Variants in SRBD1 observed in about 807,000 individuals in gnomAD.
SRBD1 encodes S1 RNA-binding domain-containing protein 1.
Under a neutral mutation model 115.3 loss-of-function variants are expected in SRBD1, and 88 were observed. That is an observed-to-expected ratio of 0.76 (90% CI 0.64 to 0.91). The LOEUF (loss-of-function observed/expected upper bound fraction) is 0.91. Among genes scored for constraint, SRBD1 ranks in the 40% least tolerant of loss-of-function variants. The pLI is 0.00. For synonymous variants in SRBD1, 509 were observed against 407.7 expected (o/e 1.25, Z -2.99); for missense variants, 1,385 against 1,177.4 (o/e 1.18, Z -2.58).
intron 16 of SRBD1, among the ~76,000 whole-genome samples, chr2:45,464,999 G>GTA (rs1184016381): frequency 8.0e-6 from 1 of 124,686 alleles, no homozygotes; most frequent in Non-Finnish European, 1.7e-5. Context: ...GGTTGAGATT[G>GTA]TACACACACA....
At chr2:45,452,397 C>T (rs1171329539) in intron 16 of SRBD1, among the ~76,000 whole-genome samples, 2 of 151,816 alleles carry the variant, frequency 1.3e-5, no homozygotes, top group African/African-American at 4.8e-5. Flanking sequence ...AGCAGTGCCC[C>T]CAAGTAAGCA....
At chr2:45,565,733 C>G (rs893168246) in intron 9 of SRBD1, among the ~76,000 whole-genome samples, 4 of 152,164 alleles carry the variant, frequency 2.6e-5, no homozygotes, top group Non-Finnish European at 4.4e-5. Context: ...ATAAGGGTAT[C>G]TAGAATATAT....
chr2:45,584,082 C>T lies in SRBD1; in HGVS notation c.815+1526G>A, dbSNP rs143441763. ...CCTCAGACTTTCTTAATTACCTTGC[C>T]TTCAACCAAACAGAAAGCTTACTTC... On this transcript the variant is annotated intron_variant, in intron 5 of 20. Coordinates refer to ENST00000263736, the MANE Select transcript of SRBD1 (RefSeq NM_018079.5). 5.6e-3 allele frequency among the ~76,000 whole-genome samples: 857 copies of T among 152,286 alleles called. 2 individuals carry two copies. The highest frequency in any genetic ancestry group is 0.011 in the African/African-American group (458 of 41,548).
chr2:45,437,458 T>A (rs1408009153), intron 16 of SRBD1, among the ~76,000 whole-genome samples: 2 of 149,218 alleles, frequency 1.3e-5, no homozygotes, highest in Non-Finnish European at 3.0e-5. Context: ...GCAAAGGCAA[T>A]ACAATGGAGA....
chr2:45,522,086 C>T (rs886472104), intron 14 of SRBD1, among the ~76,000 whole-genome samples: 1 of 151,890 alleles, frequency 6.6e-6, no homozygotes, highest in Non-Finnish European at 1.5e-5. Flanking sequence ...AGGTGAAAAT[C>T]ACCCAAGTGT....
At chr2:45,474,083 A>G (rs367717024) in intron 16 of SRBD1, among the ~76,000 whole-genome samples, 57 of 152,362 alleles carry the variant, frequency 3.7e-4, no homozygotes, top group Admixed American at 1.4e-3. Context: ...CCTGATAATT[A>G]CATTCTTAAA....
At chr2:45,556,308 C>T (rs1672474285) in intron 10 of SRBD1, among the ~76,000 whole-genome samples, 1 of 151,974 alleles carries the variant, frequency 6.6e-6, no homozygotes, top group African/African-American at 2.4e-5. Flanking sequence ...AAACAAATAT[C>T]TAAACAAATG....
At chr2:45,442,980 A>T (rs188142514) in intron 16 of SRBD1, among the ~76,000 whole-genome samples, 1 of 152,308 alleles carries the variant, frequency 6.6e-6, no homozygotes, top group Admixed American at 6.5e-5. Context: ...ACAGTGCTGA[A>T]ATTGAAAGGA....
At position 45,557,102 on chromosome 2, in the gene SRBD1, C is replaced by T. The variant is rs577232877; in HGVS notation, c.1410-3372G>A. On this transcript the variant is annotated intron_variant, in intron 10 of 20. Transcript: ENST00000263736. Reference sequence around the variant, plus strand: ...AAAAGCTTAGAGGCATGAAAAAGCACGGTAAATTGAAGTAACTATAAGGTT... The same window carrying T: ...AAAAGCTTAGAGGCATGAAAAAGCATGGTAAATTGAAGTAACTATAAGGTT... Among the ~76,000 whole-genome samples, 116 of 151,844 alleles carry T rather than the reference C, an allele frequency of 7.6e-4. 1 individual carries two copies. The highest frequency in any genetic ancestry group is 2.4e-3 in the African/African-American group (98 of 41,382).
intron 14 of SRBD1, among the ~76,000 whole-genome samples, chr2:45,516,567 C>A (rs561812266): frequency 6.6e-6 from 1 of 152,102 alleles, no homozygotes; most frequent in Non-Finnish European, 1.5e-5. Context: ...ATGATTGTTA[C>A]CCCTTGAAGG....
chr2:45,527,737 T>A (rs1186773267), intron 14 of SRBD1, among the ~76,000 whole-genome samples: 1 of 151,896 alleles, frequency 6.6e-6, no homozygotes, highest in African/African-American at 2.4e-5. Flanking sequence ...ACAGGGAGAT[T>A]AAGTAACTTA....
chr2:45,527,349 G>C (rs958037691), intron 14 of SRBD1, among the ~76,000 whole-genome samples: 1 of 151,732 alleles, frequency 6.6e-6, no homozygotes, highest in Admixed American at 6.6e-5. Flanking sequence ...GTACAAAGGC[G>C]GCTATATATT....
rs1423880817 is a variant in SRBD1, at chr2:45,573,302, T to C, written c.1210A>G (p.Lys404Glu). 1.9e-6 allele frequency: 3 copies of C among 1,612,124 alleles called. No individual in the cohort carries two copies. The highest frequency in any genetic ancestry group is 3.3e-5 in the Admixed American group (2 of 59,754). Residue 404 changes from lysine to glutamate, a missense_variant, in exon 9 of 21, where the codon AAA becomes GAA. Lys to Glu is a moderately conservative substitution (Grantham distance 56). Transcript: ENST00000263736. Reference sequence around the variant, plus strand: ...TCATTTACCTTTTTTGAGGATACTTTTGCCAGAGATGACTGGATACAAACA... The same window carrying C: ...TCATTTACCTTTTTTGAGGATACTTCTGCCAGAGATGACTGGATACAAACA... ...RHVCIQSSLA[K>E]VSSKKVNEKD...
Position 45,536,767 on chromosome 2 carries a change from T to C in SRBD1, c.1874+9965A>G, listed in dbSNP as rs187388882. 1.2e-4 allele frequency among the ~76,000 whole-genome samples: 19 copies of C among 152,314 alleles called. No individual in the cohort carries two copies. The East Asian group carries it at 3.7e-3, about 29-fold the overall frequency. ...TCTATTTACTTCCCTTCAGAGGATC[T>C]TTTGCAATTGTATAAGGTAGTCTGA... On this transcript the variant is annotated intron_variant, in intron 14 of 20. Coordinates refer to ENST00000263736, the MANE Select transcript of SRBD1 (RefSeq NM_018079.5).
chr2:45,433,825 A>C (rs1232447653), intron 16 of SRBD1, among the ~76,000 whole-genome samples: 1 of 152,260 alleles, frequency 6.6e-6, no homozygotes, highest in Non-Finnish European at 1.5e-5. Context: ...AGATATTTTC[A>C]TAAGCACATT....
chr2:45,444,136 T>C (rs1158684216), intron 16 of SRBD1, among the ~76,000 whole-genome samples: 4 of 152,166 alleles, frequency 2.6e-5, no homozygotes, highest in Admixed American at 2.0e-4. Flanking sequence ...CCAGGAGCAG[T>C]GGCTCACACC....
At chr2:45,580,045 T>C (rs1458131217) in intron 6 of SRBD1, 32 bp from the exon 7 acceptor site, 13 of 1,444,986 alleles carry the variant, frequency 9.0e-6, no homozygotes, top group East Asian at 2.5e-5. Flanking sequence ...CATATGATTA[T>C]GTTTTAAAAA....
At position 45,389,444 on chromosome 2, in the gene SRBD1, T is replaced by C. The variant is rs1368522960; in HGVS notation, c.2854A>G (p.Thr952Ala). Residue 952 changes from threonine to alanine, a missense_variant, in exon 21 of 21, where the codon ACA becomes GCA. Thr to Ala is a moderately conservative substitution (Grantham distance 58). Coordinates refer to ENST00000263736, the MANE Select transcript of SRBD1 (RefSeq NM_018079.5). The part of the protein sequence containing the change: ...KSGLIPIRNV[T>A]EAKLSKTKKR... ...TTTGTTTTTGAAAGTTTTGCTTCTG[T>C]TACATTTCGTATGGGAATCAGCCCA... 3.7e-6 allele frequency: 6 copies of C among 1,613,956 alleles called. No individual in the cohort carries two copies. The highest frequency in any genetic ancestry group is 5.1e-6 in the Non-Finnish European group (6 of 1,179,972).
intron 16 of SRBD1, among the ~76,000 whole-genome samples, chr2:45,446,978 A>C (rs193254740): frequency 6.6e-6 from 1 of 152,326 alleles, no homozygotes; most frequent in Admixed American, 6.5e-5. Context: ...ACCTCCAAAC[A>C]GTCATCCATC....
Sources: gnomAD v4.1 joint callset for allele counts (sites outside exome capture counted in the v4.1 genomes callset) on GRCh38, gnomAD v4.1.1 for gene constraint, MANE v1.5 for transcripts, NCBI Gene and HGNC (gene_info 2026-07-23, HGNC 2026-07-21) for gene names.